The following GRK1 variants were observed in gnomAD, a reference collection of about 807,000 sequenced individuals.
The protein encoded by GRK1 is rhodopsin kinase GRK1.
In GRK1, 28 loss-of-function variants were observed where a neutral mutation model predicts 41.7. The observed-to-expected ratio is 0.67, with a 90% CI of 0.50 to 0.92. GRK1 has a LOEUF of 0.92. Ranked by LOEUF, GRK1 falls within the 40% of genes least tolerant of loss-of-function variation. GRK1 has a pLI of 0.00. For missense variants in GRK1, 703 were observed against 671.2 expected, an observed-to-expected ratio of 1.05 and a Z score of -0.52; for synonymous variants, 327 against 286.7, an observed-to-expected ratio of 1.14 and a Z score of -1.42.
rs928976972 is a variant in GRK1, at chr13:113,736,156, G to T, written c.*793G>T. 1.3e-5 allele frequency: 2 copies of T among 152,260 alleles called. No homozygotes were observed. Among genetic ancestry groups the T allele is most frequent in the East Asian group, 3.9e-4 (2 of 5,184 alleles). 9.4% of individuals were successfully genotyped at this position (152,260 alleles called of 1,614,324 possible). On this transcript the variant is annotated 3_prime_UTR_variant, in exon 7 of 7. Coordinates refer to ENST00000335678, the MANE Select transcript of GRK1 (RefSeq NM_002929.3). ...GCAAAGTTCCCACCCCTGAGCTGGG[G>T]AGCTGAAAATGTTTTCTGTCTTGAC...
chr13:113,658,083 CA>C, the GRK1 span: 4 of 1,612,136 alleles, frequency 2.5e-6, no homozygotes, highest in Non-Finnish European at 3.4e-6. Flanking sequence ...CGGGTTCCAG[CA>C]GTAACGCTGG....
the GRK1 span, chr13:113,652,918 G>A: frequency 9.9e-6 from 16 of 1,614,106 alleles, no homozygotes; most frequent in African/African-American, 2.7e-5. Flanking sequence ...CTTCAAAGCC[G>A]AAGTTGGGAT....
At chr13:113,652,833 A>G in the GRK1 span, 1 of 1,606,336 alleles carries the variant, frequency 6.2e-7, no homozygotes, top group Non-Finnish European at 8.5e-7. Context: ...CCCTGACTGC[A>G]CTGTTGTAGT....
chr13:113,734,137 G>C (rs909072779), intron 6 of GRK1, among the ~76,000 whole-genome samples: 1 of 152,178 alleles, frequency 6.6e-6, no homozygotes, highest in Non-Finnish European at 1.5e-5. Flanking sequence ...GGACCCTGTG[G>C]TCAGGTGGAA....
intron 5 of GRK1, 109 bp from the exon 6 acceptor site, chr13:113,732,775 C>G: frequency 8.4e-7 from 1 of 1,190,096 alleles, no homozygotes; most frequent in South Asian, 1.4e-5. Flanking sequence ...CCTCATGGGT[C>G]CCCCACCCGC....
At chr13:113,665,065 C>A (rs745454354), upstream of GRK1, among the ~76,000 whole-genome samples, 55 of 152,194 alleles carry the variant, frequency 3.6e-4, no homozygotes, top group Non-Finnish European at 5.9e-4. Context: ...GTAGACCCTG[C>A]CAGGTGCAGC....
the GRK1 span, among the ~76,000 whole-genome samples, chr13:113,657,147 C>G: frequency 2.9e-4 from 44 of 152,140 alleles, no homozygotes; most frequent in Non-Finnish European, 5.3e-4. Flanking sequence ...CCCAGCACGT[C>G]TCAGCTACAC....
the GRK1 span, among the ~76,000 whole-genome samples, chr13:113,650,806 C>T: frequency 7.2e-4 from 110 of 152,130 alleles, no homozygotes; most frequent in African/African-American, 2.5e-3. This position sits in a 1 kb window ranked among gnomAD's most constrained non-coding sequence, Gnocchi z 5.0. Context: ...TGTCTGTACT[C>T]GAGGGTAGCC....
intron 4 of GRK1, among the ~76,000 whole-genome samples, chr13:113,728,416 TGAG>T (rs770978784): frequency 2.0e-4 from 28 of 142,842 alleles, no homozygotes; most frequent in Non-Finnish European, 3.2e-4. Flanking sequence ...CCCATGGTGA[TGAG>T]GAGTACCCAT....
chr13:113,669,983 T>C, intron 2 of GRK1, 169 bp downstream of exon 2: 1 of 379,192 alleles, frequency 2.6e-6, no homozygotes, highest in Non-Finnish European at 3.6e-6. Context: ...CCTGAAACAA[T>C]GCACCCTGGA....
the GRK1 span, among the ~76,000 whole-genome samples, chr13:113,655,895 G>A: frequency 6.6e-6 from 1 of 152,248 alleles, no homozygotes; most frequent in Non-Finnish European, 1.5e-5. Flanking sequence ...CCTGAGCTGT[G>A]ATGAGAGGCT....
At chr13:113,728,067 C>T (rs865790402) in intron 4 of GRK1, among the ~76,000 whole-genome samples, 10 of 72,596 alleles carry the variant, frequency 1.4e-4, no homozygotes, top group African/African-American at 4.8e-4. Flanking sequence ...GTACCCATGG[C>T]GATGAGGACC....
Position 113,736,269 on chromosome 13 carries a change from CG to C in GRK1, c.*907del, listed in dbSNP as rs1223874540. ...ACCCTCCTCCCCACTGGGGCTGGTC[CG>C]TCTCATCTCCCAGGGGACACTTCAG... On this transcript the variant is annotated 3_prime_UTR_variant, in exon 7 of 7. Coordinates refer to ENST00000335678, the MANE Select transcript of GRK1 (RefSeq NM_002929.3). The C allele has an allele frequency of 6.6e-6, 1 of 152,300 alleles. No homozygotes were observed. Among genetic ancestry groups the C allele is most frequent in the Non-Finnish European group, 1.5e-5 (1 of 68,118 alleles). 9.4% of individuals were successfully genotyped at this position (152,300 alleles called of 1,614,324 possible).
the GRK1 span, among the ~76,000 whole-genome samples, chr13:113,656,927 C>T: frequency 2.0e-5 from 3 of 152,152 alleles, no homozygotes; most frequent in Admixed American, 6.5e-5. Context: ...CCCATCCTGG[C>T]CTCCCGCTCT....
intron 6 of GRK1, among the ~76,000 whole-genome samples, chr13:113,733,977 CGCATGTGTGTGCATACATGTGTGT>C (rs1195148914): frequency 9.3e-6 from 1 of 107,094 alleles, no homozygotes; most frequent in African/African-American, 4.1e-5. Flanking sequence ...TGCGTGTGTG[CGCATGTGTGTGCATACATGTGTGT>C]GCGTGTGCGT....
intron 6 of GRK1, among the ~76,000 whole-genome samples, chr13:113,733,937 CG>C (rs2049976495): frequency 3.1e-5 from 3 of 95,738 alleles, no homozygotes; most frequent in Non-Finnish European, 5.8e-5. Context: ...TGTGTGCATA[CG>C]TGTGTGCGTG....
intron 6 of GRK1, among the ~76,000 whole-genome samples, chr13:113,733,862 C>CCT (rs541809922): frequency 9.6e-6 from 1 of 104,146 alleles, no homozygotes; most frequent in Non-Finnish European, 1.9e-5. Context: ...TGTGTGCATA[C>CCT]GTGTGTGCGT....
In GRK1 at chr13:113,671,655, C is replaced by T. The variant is rs181579299; in HGVS notation, c.984C>T (p.Asp328=). 2.2e-3 allele frequency: 1,633 copies of T among 757,462 alleles called. 18 individuals carry two copies. Among genetic ancestry groups the T allele is most frequent in the African/African-American group, 0.02 (1,194 of 58,954 alleles). 46.9% of individuals were successfully genotyped at this position (757,462 alleles called of 1,614,324 possible). ...CCGAGAACGTGCTGCTGGACAATGA[C>T]GGTAGGAGGTGCCCTCGGCTGGGAG... is the stretch of plus-strand genomic sequence containing the variant. ...LKPENVLLDN[D]GNVRISDLGL... is the part of the protein sequence containing the mutation. The change falls in exon 3 of 7, where the codon GAC becomes GAT. Residue 328 remains aspartate, a splice_region_variant and synonymous_variant. Transcript: ENST00000335678. This position sits in a 1 kb window ranked among gnomAD's most constrained non-coding sequence, Gnocchi z 4.1.
the GRK1 span, chr13:113,650,594 C>T: frequency 3.9e-6 from 4 of 1,025,290 alleles, no homozygotes; most frequent in Non-Finnish European, 1.5e-6. The surrounding 1 kb of genome is among the most constrained non-coding windows in gnomAD (Gnocchi z 5.0). Flanking sequence ...TGTGTGCACA[C>T]ACGCGCTGTG....
Sources: gnomAD v4.1 joint callset for allele counts (sites outside exome capture counted in the v4.1 genomes callset) on GRCh38, gnomAD v4.1.1 for gene constraint, Gnocchi (gnomAD v3.1) non-coding constraint, MANE v1.5 for transcripts, NCBI Gene and HGNC (gene_info 2026-07-23, HGNC 2026-07-21) for gene names.